The following THOC2 variants were observed in gnomAD, a reference collection of about 807,000 sequenced individuals.
The protein encoded by THOC2 is THO complex subunit 2.
A neutral mutation model predicts 128.4 loss-of-function variants in THOC2; 10 were observed. The observed-to-expected ratio is 0.08, with a 90% CI of 0.05 to 0.13. The LOEUF is 0.13. Ranked by LOEUF, THOC2 falls within the 10% of genes least tolerant of loss-of-function variation. THOC2 has a pLI of 1.00. For missense variants in THOC2, 535 were observed against 1,155.7 expected, an observed-to-expected ratio of 0.46 and a Z score of 7.79; for synonymous variants, 393 against 396.9, an observed-to-expected ratio of 0.99 and a Z score of 0.12.
intron 4 of THOC2, among the ~76,000 whole-genome samples, chrX:123,700,544 T>TGGG (rs1216548328): frequency 7.9e-4 from 18 of 22,900 alleles, no homozygotes; most frequent in South Asian, 7.5e-3. Context: ...GGTGAGGGGG[T>TGGG]GGGGGGGGGT....
chrX:123,710,445 G>C (rs1423637628), intron 2 of THOC2, among the ~76,000 whole-genome samples: 3 of 111,754 alleles, frequency 2.7e-5, no homozygotes, highest in African/African-American at 9.8e-5. Context: ...ACCCGGGGAA[G>C]AAAAAAGATA....
chrX:123,667,898 G>A (rs2049111830), intron 10 of THOC2, among the ~76,000 whole-genome samples: 1 of 110,614 alleles, frequency 9.0e-6, no homozygotes, highest in Admixed American at 9.7e-5. Flanking sequence ...AATACACAGA[G>A]GACAATTAAA....
intron 12 of THOC2, among the ~76,000 whole-genome samples, chrX:123,656,148 C>A (rs1480278874): frequency 9.3e-6 from 1 of 107,961 alleles, no homozygotes; most frequent in East Asian, 2.9e-4. Flanking sequence ...CATGGAGAAA[C>A]CTCGTCTGTA....
At chrX:123,612,027 G>A (rs2046718980) in intron 36 of THOC2, among the ~76,000 whole-genome samples, 1 of 111,100 alleles carries the variant, frequency 9.0e-6, no homozygotes. Context: ...AAAATAACCA[G>A]TGTTGACAAA....
chrX:123,619,316 T>G (rs1031008730), intron 33 of THOC2, 85 bp downstream of exon 33: 24 of 494,987 alleles, frequency 4.8e-5, no homozygotes, highest in Non-Finnish European at 7.1e-5. Context: ...GCTTACTGAA[T>G]GTACTAGGGT....
At chrX:123,666,172 C>A (rs187072274) in intron 11 of THOC2, among the ~76,000 whole-genome samples, 164 of 111,820 alleles carry the variant, frequency 1.5e-3, no homozygotes, top group African/African-American at 5.2e-3. Context: ...TAAACTTGGC[C>A]GGTATCGGGA....
chrX:123,689,566 A>G (rs1439494850), intron 7 of THOC2, among the ~76,000 whole-genome samples: 1 of 110,735 alleles, frequency 9.0e-6, no homozygotes, highest in Non-Finnish European at 1.9e-5. Flanking sequence ...GGCCAGGACT[A>G]CAGATGCAAA....
intron 1 of THOC2, among the ~76,000 whole-genome samples, chrX:123,730,187 T>TG (rs1251959181): frequency 6.4e-5 from 7 of 110,124 alleles, no homozygotes; most frequent in Admixed American, 2.9e-4. Context: ...TTTTTGTTTT[T>TG]TTTTTTTTTT....
intron 8 of THOC2, among the ~76,000 whole-genome samples, chrX:123,673,076 C>T (rs1472180609): frequency 8.9e-6 from 1 of 112,345 alleles, no homozygotes; most frequent in Non-Finnish European, 1.9e-5. Context: ...CAGTGGCTCA[C>T]GCCTGTAATC....
At chrX:123,607,444 T>C (rs959270311) in intron 38 of THOC2, among the ~76,000 whole-genome samples, 2 of 97,796 alleles carry the variant, frequency 2.0e-5, no homozygotes, top group African/African-American at 7.7e-5. Flanking sequence ...CCTAGCTAAG[T>C]TTTATTTATT....
At chrX:123,654,421 T>C (rs2048484879) in intron 12 of THOC2, among the ~76,000 whole-genome samples, 1 of 107,430 alleles carries the variant, frequency 9.3e-6, no homozygotes, top group African/African-American at 3.4e-5. Context: ...AATAAATATA[T>C]ATATATATAC....
chrX:123,707,965 TAA>T (rs770586957), intron 2 of THOC2, among the ~76,000 whole-genome samples: 10 of 85,463 alleles, frequency 1.2e-4, no homozygotes, highest in Non-Finnish European at 7.0e-5. Context: ...TCATCTCTAC[TAA>T]AAAAAAAAAA....
At chrX:123,671,982 GCAATTTCAAAAACGGACA>G (rs894499908) in intron 8 of THOC2, among the ~76,000 whole-genome samples, 1 of 112,148 alleles carries the variant, frequency 8.9e-6, no homozygotes, top group Non-Finnish European at 1.9e-5. Context: ...CACAAGGAAA[GCAATTTCAAAAACGGACA>G]CAATTTACAA....
chrX:123,673,770 C>T (rs2049375092), intron 8 of THOC2, among the ~76,000 whole-genome samples: 1 of 112,334 alleles, frequency 8.9e-6, no homozygotes, highest in Non-Finnish European at 1.9e-5. Context: ...GCCATTGTAA[C>T]GCAGTTAACT....
At chrX:123,717,848 C>T (rs1429984855) in intron 1 of THOC2, among the ~76,000 whole-genome samples, 1 of 112,500 alleles carries the variant, frequency 8.9e-6, no homozygotes, top group Non-Finnish European at 1.9e-5. Context: ...TTCACAGATG[C>T]TCAAAAGTCC....
At chrX:123,608,218 T>C (rs957265710) in intron 38 of THOC2, among the ~76,000 whole-genome samples, 6 of 108,690 alleles carry the variant, frequency 5.5e-5, no homozygotes, top group Non-Finnish European at 7.6e-5. Flanking sequence ...CTGGCCAACA[T>C]TGTGAAACCC....
intron 12 of THOC2, among the ~76,000 whole-genome samples, chrX:123,653,384 A>AGGCATGGGCATGGC (rs2048438836): frequency 8.9e-6 from 1 of 112,285 alleles, no homozygotes; most frequent in Admixed American, 9.5e-5. Flanking sequence ...CATGACTAAA[A>AGGCATGGGCATGGC]CACCAAAAGC....
At chrX:123,665,591 T>A in intron 12 of THOC2, 51 bp downstream of exon 12, 1 of 864,227 alleles carries the variant, frequency 1.2e-6, no homozygotes, top group Non-Finnish European at 1.6e-6. Context: ...ACAAGTATAC[T>A]CAGAATATTT....
chrX:123,713,495 A>T (rs915164135), intron 1 of THOC2, among the ~76,000 whole-genome samples: 1 of 109,078 alleles, frequency 9.2e-6, no homozygotes, highest in African/African-American at 3.3e-5. Flanking sequence ...AAAAAAAGTA[A>T]AGAAAAGAAA....
Sources: allele counts gnomAD v4.1 joint callset (sites outside exome capture counted in the v4.1 genomes callset), GRCh38; gene constraint gnomAD v4.1.1; transcripts MANE v1.5; gene names NCBI Gene and HGNC (gene_info 2026-07-23, HGNC 2026-07-21).